The following ANKRD36 variants were observed in gnomAD, a reference collection of about 807,000 sequenced individuals.
ANKRD36 encodes ankyrin repeat domain 36, also known as ankyrin repeat domain-containing protein 36A.
In ANKRD36, 179 loss-of-function variants were observed where a neutral mutation model predicts 278.1. That is an observed-to-expected ratio of 0.64 (90% confidence interval 0.57 to 0.73). The LOEUF (loss-of-function observed/expected upper bound fraction) is 0.73, where lower values mean the gene tolerates loss of function less well. ANKRD36 is among the 30% of genes least tolerant of loss of function. The pLI, the probability that ANKRD36 is intolerant of heterozygous loss-of-function variation, is 0.00. For missense variants in ANKRD36, 1,159 were observed against 1,956.7 expected, an observed-to-expected ratio of 0.59 and a Z score of 7.69; for synonymous variants, 320 against 641.1, an observed-to-expected ratio of 0.50 and a Z score of 7.57.
intron 42 of ANKRD36, 133 bp from the exon 43 acceptor site, chr2:97,198,330 C>G: frequency 6.6e-7 from 1 of 1,518,110 alleles, no homozygotes; most frequent in Non-Finnish European, 8.9e-7. Flanking sequence ...AGTCCCCAGA[C>G]ACAAAGTAGA....
chr2:97,199,420 G>C (rs146310052), intron 44 of ANKRD36, among the ~76,000 whole-genome samples: 10,375 of 151,588 alleles, frequency 0.068, 493 homozygotes, highest in Middle Eastern at 0.17. Flanking sequence ...GGAGCTACCT[G>C]TTGGATAAAA....
In ANKRD36 at chr2:97,181,936, T is replaced by C. The variant is rs2056343772; in HGVS notation, c.1837+143T>C. The C allele has an allele frequency of 7.3e-6, 9 of 1,240,588 alleles. No homozygotes were observed. The South Asian group carries it at 1.2e-4, about 17-fold the overall frequency. The allele number at this position is 1,240,588 out of a possible 1,614,324, so 76.8% of individuals were successfully genotyped here. On this transcript the variant is annotated intron_variant, in intron 26 of 75. Coordinates refer to ENST00000420699, the MANE Select transcript of ANKRD36 (RefSeq NM_001354587.1). Reference sequence around the variant, plus strand: ...AGATTCTTCAGTTCTCAGGTGACACTGATGCTGCTGGTCTTCGACATGATC... The same window carrying C: ...AGATTCTTCAGTTCTCAGGTGACACCGATGCTGCTGGTCTTCGACATGATC...
chr2:97,159,896 C>T (rs941879298), intron 17 of ANKRD36, among the ~76,000 whole-genome samples: 2 of 151,926 alleles, frequency 1.3e-5, no homozygotes, highest in Non-Finnish European at 2.9e-5. Context: ...ATTCTCCTGC[C>T]TCAGCCTCGC....
At chr2:97,200,548 A>G (rs1432217013) in intron 46 of ANKRD36, 23 bp downstream of exon 46, 3 of 1,544,062 alleles carry the variant, frequency 1.9e-6, no homozygotes, top group East Asian at 4.9e-5. Flanking sequence ...AACACATTTA[A>G]TGTCATGTTC....
rs542473579 is a variant in ANKRD36, at chr2:97,181,751, A to C, written c.1795A>C (p.Asn599His). 2 of 1,609,574 alleles carry C rather than the reference A, an allele frequency of 1.2e-6. No individual in the cohort carries two copies. The highest frequency in any genetic ancestry group is 4.5e-5 in the East Asian group (2 of 44,762). Reference protein sequence around the residue: ...ATSDEKDSVSNIATEIKKGQQ... With the variant: ...ATSDEKDSVSHIATEIKKGQQ... ...AAGTGACGAGAAAGATTCTGTTTCA[A>C]ATATAGCCACAGAAATAAAGAAGGG... Residue 599 changes from asparagine (N) to histidine (H), a missense_variant, in exon 26 of 76, where the codon AAT (asparagine) becomes CAT (histidine). Physicochemically the swap from Asn to His is moderately conservative, Grantham distance 68 (BLOSUM62 1). Coordinates refer to ENST00000420699, the MANE Select transcript of ANKRD36 (RefSeq NM_001354587.1).
chr2:97,156,109 A>G (rs754406221), intron 15 of ANKRD36, among the ~76,000 whole-genome samples: 1 of 146,954 alleles, frequency 6.8e-6, no homozygotes, highest in African/African-American at 2.4e-5. Flanking sequence ...CGTGTTTTCT[A>G]ATATCTTCCA....
At chr2:97,200,423 AT>A in intron 45 of ANKRD36, 29 bp from the exon 46 acceptor site, 1 of 1,600,976 alleles carries the variant, frequency 6.2e-7, no homozygotes. Context: ...AACATACCTT[AT>A]TTATTACTTT....
At chr2:97,149,767 T>G (rs889858271) in intron 12 of ANKRD36, among the ~76,000 whole-genome samples, 2 of 151,774 alleles carry the variant, frequency 1.3e-5, no homozygotes, top group Non-Finnish European at 1.5e-5. Context: ...AGATGACTTA[T>G]CAAAGAAATC....
Position 97,113,953 on chromosome 2 carries a change from G to C in ANKRD36, c.197+17G>C, listed in dbSNP as rs2034323644. On this transcript the variant is annotated intron_variant, in intron 1 of 75. Coordinates refer to ENST00000420699, the MANE Select transcript of ANKRD36 (RefSeq NM_001354587.1). ...GAAGGAAAGGTAATGGGGGCCGGGA[G>C]CCGGGGCTGCGGGAGGAGGCCTGTG... 6.2e-7 allele frequency: 1 copy of C among 1,606,182 alleles called. No homozygotes were observed. Among genetic ancestry groups the C allele is most frequent in the Non-Finnish European group, 8.5e-7 (1 of 1,176,922 alleles).
At chr2:97,140,341 C>T (rs1429766074) in intron 6 of ANKRD36, among the ~76,000 whole-genome samples, 4 of 151,640 alleles carry the variant, frequency 2.6e-5, no homozygotes, top group African/African-American at 9.7e-5. Flanking sequence ...ATTTCAGAAC[C>T]CATTTCTCTG....
intron 46 of ANKRD36, among the ~76,000 whole-genome samples, chr2:97,201,686 G>A (rs1023082887): frequency 1.3e-5 from 2 of 151,922 alleles, no homozygotes; most frequent in African/African-American, 4.8e-5. Context: ...ATCAATGTAG[G>A]ACACTTCCAC....
In ANKRD36 at chr2:97,122,223, C is replaced by T. The variant is rs552763240; in HGVS notation, c.487-664C>T. ...CTCTACCTTTACTGGTAAGCTCTCACAACTGTATCCCTGAAACTCTCATTT... is the reference window on the plus strand; with the variant it reads ...CTCTACCTTTACTGGTAAGCTCTCATAACTGTATCCCTGAAACTCTCATTT... On this transcript the variant is annotated intron_variant, in intron 3 of 75. Coordinates refer to ENST00000420699, the MANE Select transcript of ANKRD36 (RefSeq NM_001354587.1). Among the ~76,000 whole-genome samples, 248 of 118,260 alleles carry T rather than the reference C, an allele frequency of 2.1e-3. 5 individuals are homozygous for T. The East Asian group carries it at 0.04, about 19-fold the overall frequency. 77.6% of individuals were successfully genotyped at this position (118,260 alleles called of 152,430 possible).
intron 3 of ANKRD36, among the ~76,000 whole-genome samples, chr2:97,121,578 G>A (rs1179941896): frequency 1.3e-5 from 2 of 152,036 alleles, no homozygotes; most frequent in African/African-American, 2.4e-5. Context: ...TCCGGGAGGC[G>A]GAGGTTGCAG....
intron 66 of ANKRD36, among the ~76,000 whole-genome samples, chr2:97,220,312 G>T (rs180704486): frequency 0.022 from 3,224 of 148,860 alleles, 106 homozygotes; most frequent in South Asian, 0.081. Context: ...ATGTTTTTGT[G>T]CTATAAAATG....
chr2:97,224,174 GT>G (rs1460883077), intron 66 of ANKRD36, among the ~76,000 whole-genome samples: 2 of 150,906 alleles, frequency 1.3e-5, no homozygotes, highest in Non-Finnish European at 2.9e-5. Context: ...ACAGTGTGCT[GT>G]TACTTTTTCT....
At position 97,113,471 on chromosome 2, in the gene ANKRD36, C is replaced by T. The variant is rs2034133902; in HGVS notation, c.-269C>T. The T allele has an allele frequency of 1.0e-5, 5 of 502,052 alleles. No individual in the cohort carries two copies. The South Asian group carries it at 1.3e-4, about 13-fold the overall frequency. The allele number at this position is 502,052 out of a possible 1,614,324, so 31.1% of individuals were successfully genotyped here. On this transcript the variant is annotated 5_prime_UTR_variant, in exon 1 of 76. Coordinates refer to ENST00000420699, the MANE Select transcript of ANKRD36 (RefSeq NM_001354587.1). ...AGGGAGCCCCGCCCTCCCGCGGCAC[C>T]TCCGCAGCAACCGCCGCCTGCACTG...
chr2:97,152,711 C>G (rs967917549), intron 14 of ANKRD36, among the ~76,000 whole-genome samples, 177 bp downstream of exon 14: 3 of 146,986 alleles, frequency 2.0e-5, no homozygotes, highest in African/African-American at 7.3e-5. Flanking sequence ...ACTAATTAGG[C>G]AACTCTGCTT....
chr2:97,191,645 G>A (rs1252213889), intron 36 of ANKRD36, among the ~76,000 whole-genome samples: 3 of 151,650 alleles, frequency 2.0e-5, no homozygotes, highest in Non-Finnish European at 2.9e-5. Flanking sequence ...GACGGATTGT[G>A]AGGCAGGAAG....
intron 24 of ANKRD36, among the ~76,000 whole-genome samples, chr2:97,181,144 G>A (rs1575441876): frequency 6.6e-6 from 1 of 151,714 alleles, no homozygotes; most frequent in East Asian, 1.9e-4. Flanking sequence ...AATTGTCATC[G>A]TAATTGTGTA....
Sources: allele counts gnomAD v4.1 joint callset (sites outside exome capture counted in the v4.1 genomes callset), GRCh38; gene constraint gnomAD v4.1.1; transcripts MANE v1.5; gene names NCBI Gene and HGNC (gene_info 2026-07-23, HGNC 2026-07-21).